The following ELMO1 variants were observed in gnomAD, a reference collection of about 807,000 sequenced individuals.
ELMO1 encodes engulfment and cell motility 1.
Under a neutral mutation model 98.9 loss-of-function variants are expected in ELMO1, and 26 were observed. The ratio of observed to expected loss-of-function variants is 0.26; its 90% CI spans 0.19 to 0.36. The LOEUF is 0.36. Among genes scored for constraint, ELMO1 ranks in the 10% least tolerant of loss-of-function variants. The probability of loss-of-function intolerance (pLI) is 1.00; values close to 1 mark genes in which losing one functional copy is unlikely to be tolerated. For missense variants in ELMO1, 627 were observed against 935.2 expected (o/e 0.67, Z 4.30); for synonymous variants, 346 against 346.0 (o/e 1.00, Z 0.00).
At chr7:37,225,839 C>A (rs1793842556) in intron 8 of ELMO1, among the ~76,000 whole-genome samples, 1 of 152,066 alleles carries the variant, frequency 6.6e-6, no homozygotes, top group Non-Finnish European at 1.5e-5. Flanking sequence ...ATTTTAGAGG[C>A]CTCATTAAAA....
intron 13 of ELMO1, among the ~76,000 whole-genome samples, chr7:37,202,175 T>C (rs1449036158): frequency 6.6e-6 from 1 of 152,242 alleles, no homozygotes; most frequent in South Asian, 2.1e-4. Context: ...TTTAGGTTTA[T>C]GGGTTAAATC....
chr7:37,158,881 A>G (rs934598299), intron 13 of ELMO1, among the ~76,000 whole-genome samples: 6 of 152,246 alleles, frequency 3.9e-5, no homozygotes, highest in Non-Finnish European at 5.9e-5. Context: ...ACTATTCGCA[A>G]TAGCAAGACT....
At chr7:37,304,933 T>G (rs1170566892) in intron 4 of ELMO1, among the ~76,000 whole-genome samples, 1 of 152,178 alleles carries the variant, frequency 6.6e-6, no homozygotes, top group South Asian at 2.1e-4. Context: ...GTCACCACAG[T>G]GGAGTGTGAC....
At chr7:36,987,745 T>C (rs1272001089) in intron 16 of ELMO1, among the ~76,000 whole-genome samples, 1 of 152,160 alleles carries the variant, frequency 6.6e-6, no homozygotes, top group Non-Finnish European at 1.5e-5. Context: ...CCCATATCCA[T>C]CCAACTCCAA....
intron 1 of ELMO1, among the ~76,000 whole-genome samples, chr7:37,367,741 A>G (rs1329829506): frequency 6.6e-6 from 1 of 152,108 alleles, no homozygotes; most frequent in Non-Finnish European, 1.5e-5. Flanking sequence ...TACCAGAAAC[A>G]AACAAACAAA....
At position 37,186,342 on chromosome 7, in the gene ELMO1, T is replaced by C. The variant is rs184055377; in HGVS notation, c.1086+25044A>G. Among the ~76,000 whole-genome samples the C allele has an allele frequency of 1.1e-3, 163 of 152,106 alleles. 4 individuals carry two copies. Among genetic ancestry groups the C allele is most frequent in the Admixed American group, 9.9e-3 (152 of 15,284 alleles). On this transcript the variant is annotated intron_variant, in intron 13 of 21. Transcript: ENST00000310758. Reference sequence around the variant, plus strand: ...AAAGAACTAAATATAAGGGTGAAAATTATAAAACTATTAGAAGAAAATGTA... The same window carrying C: ...AAAGAACTAAATATAAGGGTGAAAACTATAAAACTATTAGAAGAAAATGTA...
intron 5 of ELMO1, 89 bp downstream of exon 5, chr7:37,271,743 C>T (rs1796568980): frequency 7.0e-7 from 1 of 1,434,506 alleles, no homozygotes; most frequent in Non-Finnish European, 9.7e-7. Flanking sequence ...GCACTAAAGT[C>T]AACCTCAAAA....
chr7:36,886,194 G>T (rs1214664092), intron 18 of ELMO1, among the ~76,000 whole-genome samples: 1 of 152,162 alleles, frequency 6.6e-6, no homozygotes, highest in Admixed American at 6.5e-5. Context: ...CTCACTAATA[G>T]GAGGCTTTCT....
intron 14 of ELMO1, among the ~76,000 whole-genome samples, chr7:37,127,192 C>T (rs1786586982): frequency 6.6e-6 from 1 of 152,152 alleles, no homozygotes; most frequent in Non-Finnish European, 1.5e-5. Flanking sequence ...TGATACCTTC[C>T]CTGGGCCCAC....
chr7:37,050,653 C>A (rs1171484598), intron 15 of ELMO1, among the ~76,000 whole-genome samples: 1 of 145,950 alleles, frequency 6.9e-6, no homozygotes, highest in African/African-American at 2.6e-5. Flanking sequence ...CACACACACA[C>A]ACACACAAAA....
chr7:37,256,243 G>A (rs2130777922), intron 6 of ELMO1, among the ~76,000 whole-genome samples: 1 of 152,064 alleles, frequency 6.6e-6, no homozygotes, highest in East Asian at 1.9e-4. Context: ...ACTTTCATAA[G>A]CAGAGGTTTC....
In ELMO1 at chr7:37,440,148, TAAA is replaced by T. The variant is rs989783197; in HGVS notation, c.-74+8524_-74+8526del. Among the ~76,000 whole-genome samples, 4 of 152,042 alleles carry T rather than the reference TAAA, an allele frequency of 2.6e-5. No individual in the cohort carries two copies. The East Asian group carries it at 7.7e-4, about 29-fold the overall frequency. On this transcript the variant is annotated intron_variant, in intron 1 of 21. Coordinates refer to ENST00000310758, the MANE Select transcript of ELMO1 (RefSeq NM_014800.11). Reference sequence around the variant, plus strand: ...GAATAACTGAGGCACAAGTCCACTATAAAAAAATCTAGGGGCCAGGCACAGTGG... The same window carrying T: ...GAATAACTGAGGCACAAGTCCACTATAAAATCTAGGGGCCAGGCACAGTGG...
intron 16 of ELMO1, among the ~76,000 whole-genome samples, chr7:36,949,653 T>A (rs1037118451): frequency 1.3e-5 from 2 of 152,092 alleles, no homozygotes; most frequent in Non-Finnish European, 2.9e-5. Context: ...TAGGTGTCAG[T>A]GGCCCCCCAC....
At position 37,294,875 on chromosome 7, in the gene ELMO1, CT is replaced by C. The variant is rs575747427; in HGVS notation, c.192+19974del. Among the ~76,000 whole-genome samples the C allele has an allele frequency of 6.6e-5, 10 of 152,154 alleles. No homozygotes were observed. The East Asian group carries it at 1.6e-3, about 24-fold the overall frequency. On this transcript the variant is annotated intron_variant, in intron 4 of 21. Transcript: ENST00000310758. The stretch of plus-strand genomic sequence containing the variant: ...ATTAGCTGGGTGTGGTGGCAGGCGC[CT>C]GTAACCCCAGCTACTTGGGAGGCTG...
intron 8 of ELMO1, among the ~76,000 whole-genome samples, chr7:37,225,529 T>C (rs1219099933): frequency 6.6e-6 from 1 of 152,226 alleles, no homozygotes; most frequent in Admixed American, 6.5e-5. Flanking sequence ...TCAACACAAT[T>C]CAACTGGCAA....
chr7:37,340,050 G>A (rs1800633031), intron 2 of ELMO1, among the ~76,000 whole-genome samples: 1 of 152,104 alleles, frequency 6.6e-6, no homozygotes, highest in Non-Finnish European at 1.5e-5. Context: ...AAGATCAATG[G>A]AGATCAAAGA....
intron 1 of ELMO1, among the ~76,000 whole-genome samples, chr7:37,413,366 C>A (rs1804074001): frequency 6.6e-6 from 1 of 152,118 alleles, no homozygotes; most frequent in Non-Finnish European, 1.5e-5. Context: ...TCTCCCTGAC[C>A]AGACTGAAAG....
chr7:37,371,093 C>T (rs937010005), intron 1 of ELMO1, among the ~76,000 whole-genome samples: 1 of 152,180 alleles, frequency 6.6e-6, no homozygotes, highest in Non-Finnish European at 1.5e-5. Flanking sequence ...TGAACTACAT[C>T]TACATGGGTG....
intron 16 of ELMO1, among the ~76,000 whole-genome samples, chr7:36,912,630 C>G (rs1453932471): frequency 6.6e-6 from 1 of 152,126 alleles, no homozygotes; most frequent in Non-Finnish European, 1.5e-5. Context: ...CGAGAGAAAA[C>G]TGAAACTAAA....
Sources: allele counts gnomAD v4.1 joint callset (sites outside exome capture counted in the v4.1 genomes callset), GRCh38; gene constraint gnomAD v4.1.1; transcripts MANE v1.5; gene names NCBI Gene and HGNC (gene_info 2026-07-23, HGNC 2026-07-21).